NPAS3: variants seen among roughly 807,000 people sequenced by gnomAD.
The protein encoded by NPAS3 is neuronal PAS domain-containing protein 3.
NPAS3 carries 14 observed loss-of-function variants against 73.1 expected under a neutral mutation model. The ratio of observed to expected loss-of-function variants is 0.19; its 90% CI spans 0.13 to 0.30. The LOEUF is 0.30. Among genes scored for constraint, NPAS3 ranks in the 10% least tolerant of loss-of-function variants. The pLI is 1.00. For missense variants in NPAS3, 1,096 were observed against 1,250.0 expected (o/e 0.88, Z 1.86); for synonymous variants, 620 against 541.5 (o/e 1.14, Z -2.01).
chr14:33,563,102 T>G (rs145025321), intron 5 of NPAS3, among the ~76,000 whole-genome samples: 1 of 152,194 alleles, frequency 6.6e-6, no homozygotes, highest in South Asian at 2.1e-4. Flanking sequence ...TCCAGTGAAA[T>G]TGTTCAGGAG....
chr14:33,447,916 T>TAA (rs1430844453), intron 4 of NPAS3, among the ~76,000 whole-genome samples: 1 of 151,712 alleles, frequency 6.6e-6, no homozygotes, highest in African/African-American at 2.4e-5. Context: ...CCCTATCTCT[T>TAA]AAAAAAAACA....
chr14:33,255,353 A>G (rs555862205), intron 3 of NPAS3, among the ~76,000 whole-genome samples: 37 of 152,278 alleles, frequency 2.4e-4, no homozygotes, highest in African/African-American at 8.7e-4. Flanking sequence ...ATTCACTCTC[A>G]TTTAATTTGC....
At position 33,752,259 on chromosome 14, in the gene NPAS3, C is replaced by G. The variant is rs74493230; in HGVS notation, c.852+16927C>G. 2.6e-3 allele frequency among the ~76,000 whole-genome samples: 401 copies of G among 151,584 alleles called. 10 individuals carry two copies. In the East Asian group the frequency reaches 0.066, roughly 25 times the overall value. ...TCATTTTATTTTATTTTTTTTCTTT[C>G]TCAAACATCTTTTTCTTCTCCAGAT... On this transcript the variant is annotated intron_variant, in intron 7 of 11. Transcript: ENST00000356141.
chr14:33,095,981 G>A (rs941383817), intron 2 of NPAS3, among the ~76,000 whole-genome samples: 9 of 150,652 alleles, frequency 6.0e-5, no homozygotes, highest in Non-Finnish European at 1.3e-4. Context: ...GCGCCTGGCC[G>A]GTCATTCTCT....
In NPAS3 at chr14:33,227,767, C is replaced by T. The variant is rs2047688940; in HGVS notation, c.385+12341C>T. On this transcript the variant is annotated intron_variant, in intron 3 of 11. Coordinates refer to ENST00000356141, the Ensembl canonical transcript of NPAS3. ...GGGGACACAAACATTCAGTTCATAACACAAGGAGTTCTAACAACCTGTAAT... is the reference window on the plus strand; with the variant it reads ...GGGGACACAAACATTCAGTTCATAATACAAGGAGTTCTAACAACCTGTAAT... 2.6e-5 allele frequency among the ~76,000 whole-genome samples: 4 copies of T among 152,286 alleles called. No individual in the cohort carries two copies. The South Asian group carries it at 8.3e-4, about 32-fold the overall frequency.
intron 5 of NPAS3, among the ~76,000 whole-genome samples, chr14:33,649,155 T>C (rs907532579): frequency 1.3e-5 from 2 of 152,138 alleles, no homozygotes; most frequent in Non-Finnish European, 2.9e-5. Flanking sequence ...CAAATGACAA[T>C]CCCAGTATAC....
At chr14:33,581,554 A>T (rs904775555) in intron 5 of NPAS3, among the ~76,000 whole-genome samples, 4 of 152,150 alleles carry the variant, frequency 2.6e-5, no homozygotes, top group Non-Finnish European at 5.9e-5. Context: ...GCCCTTTTGT[A>T]AAATTTAAAA....
intron 2 of NPAS3, among the ~76,000 whole-genome samples, chr14:33,128,382 G>T (rs1482301240): frequency 6.6e-6 from 1 of 152,100 alleles, no homozygotes; most frequent in African/African-American, 2.4e-5. Context: ...AACTGGAAGA[G>T]ATTTTTCTGT....
chr14:33,274,259 T>C (rs966241091), intron 3 of NPAS3, among the ~76,000 whole-genome samples: 3 of 152,190 alleles, frequency 2.0e-5, no homozygotes, highest in African/African-American at 7.2e-5. Context: ...TTTACACAGT[T>C]ACAGTTCACT....
At chr14:33,294,857 C>T (rs2042232120) in intron 3 of NPAS3, among the ~76,000 whole-genome samples, 1 of 152,116 alleles carries the variant, frequency 6.6e-6, no homozygotes, top group African/African-American at 2.4e-5. Flanking sequence ...AGCATGACCT[C>T]AGATGGTCAA....
chr14:33,759,063 G>T (rs1435715961), intron 7 of NPAS3, among the ~76,000 whole-genome samples: 2 of 152,156 alleles, frequency 1.3e-5, no homozygotes, highest in African/African-American at 2.4e-5. Context: ...GTGTCATAAT[G>T]CCCACTTCTG....
intron 4 of NPAS3, among the ~76,000 whole-genome samples, chr14:33,545,345 A>G (rs761976474): frequency 1.3e-5 from 2 of 152,194 alleles, no homozygotes; most frequent in African/African-American, 2.4e-5. Context: ...TTCCTAAATC[A>G]GGGTCCCAAG....
At chr14:33,290,476 A>G (rs890142553) in intron 3 of NPAS3, among the ~76,000 whole-genome samples, 9 of 152,220 alleles carry the variant, frequency 5.9e-5, no homozygotes, top group African/African-American at 2.2e-4. Context: ...TAGCATATTT[A>G]TTAAATTCAA....
intron 1 of NPAS3, among the ~76,000 whole-genome samples, chr14:32,984,429 A>G (rs546696800): frequency 6.6e-6 from 1 of 152,346 alleles, no homozygotes; most frequent in South Asian, 2.1e-4. Context: ...TAAGAGGGAA[A>G]GAGATGAACT....
At chr14:33,130,822 C>T (rs2043609239) in intron 2 of NPAS3, among the ~76,000 whole-genome samples, 1 of 152,152 alleles carries the variant, frequency 6.6e-6, no homozygotes, top group Non-Finnish European at 1.5e-5. Context: ...CATCATTCTT[C>T]ACATCCACTC....
At chr14:33,139,814 A>G (rs1464034582) in intron 2 of NPAS3, among the ~76,000 whole-genome samples, 1 of 152,214 alleles carries the variant, frequency 6.6e-6, no homozygotes, top group Non-Finnish European at 1.5e-5. Context: ...TGCAGATCGT[A>G]GAACACTTCC....
At chr14:33,677,547 A>G (rs1002714403) in intron 6 of NPAS3, among the ~76,000 whole-genome samples, 1 of 152,178 alleles carries the variant, frequency 6.6e-6, no homozygotes, top group African/African-American at 2.4e-5. Context: ...CATTAAAATA[A>G]CTCAACATAC....
At chr14:33,783,397 T>A (rs1235017466) in intron 9 of NPAS3, among the ~76,000 whole-genome samples, 4 of 152,158 alleles carry the variant, frequency 2.6e-5, no homozygotes, top group Non-Finnish European at 5.9e-5. Flanking sequence ...GTGTTCCCCT[T>A]CTGCCATATG....
chr14:33,091,559 G>A (rs566561686), intron 2 of NPAS3, among the ~76,000 whole-genome samples: 1 of 152,214 alleles, frequency 6.6e-6, no homozygotes, highest in African/African-American at 2.4e-5. Context: ...TCTACCAGAG[G>A]TATAAGGAGG....
Sources: gnomAD v4.1 joint callset for allele counts (sites outside exome capture counted in the v4.1 genomes callset) on GRCh38, gnomAD v4.1.1 for gene constraint, MANE v1.5 for transcripts, NCBI Gene and HGNC (gene_info 2026-07-23, HGNC 2026-07-21) for gene names.